The following RGS6 variants were observed in gnomAD, a reference collection of about 807,000 sequenced individuals.
RGS6 encodes regulator of G-protein signaling 6.
In RGS6, 30 loss-of-function variants were observed where a neutral mutation model predicts 78.5. That is an observed-to-expected ratio of 0.38 (90% CI 0.29 to 0.52). The LOEUF is 0.52. Ranked by LOEUF, RGS6 falls within the 20% of genes least tolerant of loss-of-function variation. The pLI is 0.85. For synonymous variants in RGS6, 206 were observed against 206.0 expected, an observed-to-expected ratio of 1.00 and a Z score of 0.00; for missense variants, 495 against 609.7, an observed-to-expected ratio of 0.81 and a Z score of 1.98.
chr14:71,916,518 C>T, the RGS6 span, among the ~76,000 whole-genome samples: 1 of 152,170 alleles, frequency 6.6e-6, no homozygotes, highest in Non-Finnish European at 1.5e-5. Context: ...ATCCTCTGTG[C>T]TTTGAGGATT....
chr14:72,301,379 A>G (rs1006670939), intron 2 of RGS6, among the ~76,000 whole-genome samples: 1 of 151,864 alleles, frequency 6.6e-6, no homozygotes, highest in African/African-American at 2.4e-5. Context: ...TTTCAAAGCA[A>G]CGTATCATCA....
the RGS6 span, among the ~76,000 whole-genome samples, chr14:71,884,468 C>T: frequency 6.6e-6 from 1 of 152,138 alleles, no homozygotes; most frequent in African/African-American, 2.4e-5. Context: ...AAGTTCAGAC[C>T]TATTTTCCCT....
chr14:72,122,544 T>C (rs988166900), intron 2 of RGS6, among the ~76,000 whole-genome samples: 1 of 152,212 alleles, frequency 6.6e-6, no homozygotes, highest in Non-Finnish European at 1.5e-5. Flanking sequence ...TTCTTAGCTT[T>C]CTTGCATTTC....
chr14:72,601,388 C>T, the RGS6 span, among the ~76,000 whole-genome samples: 14 of 152,146 alleles, frequency 9.2e-5, no homozygotes, highest in South Asian at 2.9e-3. Context: ...CAGGACCCTT[C>T]GTGGTGCCCC....
chr14:71,999,908 T>C (rs1351142807), intron 2 of RGS6, among the ~76,000 whole-genome samples: 1 of 152,132 alleles, frequency 6.6e-6, no homozygotes, highest in East Asian at 1.9e-4. Flanking sequence ...GGTATTTCTT[T>C]ATAGCAGTAT....
intron 2 of RGS6, among the ~76,000 whole-genome samples, chr14:72,198,094 C>T (rs1456303017): frequency 2.0e-5 from 3 of 152,172 alleles, no homozygotes; most frequent in Non-Finnish European, 4.4e-5. Context: ...GGCGCAGCGG[C>T]TCACACCTGT....
intron 2 of RGS6, among the ~76,000 whole-genome samples, chr14:72,093,844 AG>A (rs1156353575): frequency 2.0e-5 from 3 of 152,172 alleles, no homozygotes; most frequent in African/African-American, 7.2e-5. Flanking sequence ...TTAACAAAGC[AG>A]TTTATTCATT....
chr14:72,484,835 C>T (rs1196627777), intron 12 of RGS6, among the ~76,000 whole-genome samples: 1 of 151,858 alleles, frequency 6.6e-6, no homozygotes, highest in Non-Finnish European at 1.5e-5. Flanking sequence ...TCTCTGAGAT[C>T]CAGAGAGCTG....
chr14:72,440,416 T>TC (rs1299846579), intron 3 of RGS6, among the ~76,000 whole-genome samples: 1 of 108,490 alleles, frequency 9.2e-6, no homozygotes, highest in East Asian at 2.6e-4. Flanking sequence ...CTACACTTCT[T>TC]TTTTTTTTTT....
chr14:72,261,816 G>C (rs1014519360), intron 2 of RGS6, among the ~76,000 whole-genome samples: 7 of 152,092 alleles, frequency 4.6e-5, no homozygotes, highest in African/African-American at 9.7e-5. Flanking sequence ...AAATTCACTT[G>C]AAAAATATTT....
intron 3 of RGS6, among the ~76,000 whole-genome samples, chr14:72,364,911 C>T (rs544426312): frequency 3.1e-4 from 47 of 152,302 alleles, no homozygotes; most frequent in Middle Eastern, 3.4e-3. Flanking sequence ...AGCTGCTTGT[C>T]ACCACTTTCT....
At chr14:72,491,593 T>A (rs745398606) in intron 12 of RGS6, among the ~76,000 whole-genome samples, 1 of 152,230 alleles carries the variant, frequency 6.6e-6, no homozygotes, top group Non-Finnish European at 1.5e-5. Context: ...ATGTCTGTAT[T>A]TGTTATTTTT....
chr14:71,923,272 T>C, the RGS6 span, among the ~76,000 whole-genome samples: 5 of 151,750 alleles, frequency 3.3e-5, no homozygotes, highest in Admixed American at 1.3e-4. Context: ...AGGATGGGGA[T>C]GGGAAAGGGA....
chr14:72,502,182 T>C (rs2096735301), intron 13 of RGS6, among the ~76,000 whole-genome samples: 1 of 152,240 alleles, frequency 6.6e-6, no homozygotes, highest in South Asian at 2.1e-4. Context: ...CCATCTGCCA[T>C]GCTTGGAGAA....
chr14:72,293,011 G>A (rs551071428), intron 2 of RGS6, among the ~76,000 whole-genome samples: 53 of 152,246 alleles, frequency 3.5e-4, no homozygotes, highest in Non-Finnish European at 5.4e-4. Flanking sequence ...TATTTGTATT[G>A]TGATTATTCT....
intron 17 of RGS6, among the ~76,000 whole-genome samples, chr14:72,545,997 TCCCAGGGG>T (rs2097394864): frequency 6.6e-6 from 1 of 152,032 alleles, no homozygotes; most frequent in Non-Finnish European, 1.5e-5. Flanking sequence ...CACTGTGGGG[TCCCAGGGG>T]CCCTATGGGT....
intron 2 of RGS6, among the ~76,000 whole-genome samples, chr14:72,086,547 A>G (rs913691243): frequency 5.9e-5 from 9 of 152,166 alleles, no homozygotes; most frequent in African/African-American, 2.2e-4. Context: ...TTATGACAGT[A>G]TAGCAGAACA....
rs142434684 is a variant in RGS6, at chr14:72,366,669, C to T, written c.184+14475C>T. 3.4e-3 allele frequency among the ~76,000 whole-genome samples: 523 copies of T among 152,312 alleles called. 2 individuals carry two copies. Among genetic ancestry groups the T allele is most frequent in the African/African-American group, 0.012 (495 of 41,570 alleles). ...CCCTACCAATCCCTTTTCAGGACTACAGACCAACCTCCTCAGACCCTCTTT... is the reference window on the plus strand; with the variant it reads ...CCCTACCAATCCCTTTTCAGGACTATAGACCAACCTCCTCAGACCCTCTTT... On this transcript the variant is annotated intron_variant, in intron 3 of 17. Transcript: ENST00000553525.
At chr14:72,024,932 C>T (rs1033562909) in intron 2 of RGS6, among the ~76,000 whole-genome samples, 3 of 152,188 alleles carry the variant, frequency 2.0e-5, no homozygotes, top group African/African-American at 7.2e-5. Flanking sequence ...ACACACTCAG[C>T]TCTTGGCAGT....
Sources: allele counts gnomAD v4.1 joint callset (sites outside exome capture counted in the v4.1 genomes callset), GRCh38; gene constraint gnomAD v4.1.1; transcripts MANE v1.5; gene names NCBI Gene and HGNC (gene_info 2026-07-23, HGNC 2026-07-21).